Variants in SNCAIP observed in about 807,000 individuals in gnomAD.
The protein encoded by SNCAIP is synuclein alpha interacting protein.
In SNCAIP, 43 loss-of-function variants were observed where a neutral mutation model predicts 86.7. That is an observed-to-expected ratio of 0.50 (90% CI 0.39 to 0.64). The LOEUF (loss-of-function observed/expected upper bound fraction) is 0.64. Among genes scored for constraint, SNCAIP ranks in the 30% least tolerant of loss-of-function variants. SNCAIP has a pLI of 0.00. For synonymous variants in SNCAIP, 417 were observed against 427.2 expected (o/e 0.98, Z 0.29); for missense variants, 981 against 1,103.1 (o/e 0.89, Z 1.57).
chr5:122,415,594 G>C (rs898097369), intron 3 of SNCAIP, among the ~76,000 whole-genome samples: 1 of 152,142 alleles, frequency 6.6e-6, no homozygotes, highest in South Asian at 2.1e-4. Flanking sequence ...AAGAGGGCAG[G>C]GATTTTTCAG....
chr5:122,343,872 G>C (rs1166829747), intron 1 of SNCAIP, among the ~76,000 whole-genome samples: 1 of 152,214 alleles, frequency 6.6e-6, no homozygotes, highest in Non-Finnish European at 1.5e-5. Context: ...GTCTTAACAA[G>C]ATGAGAAACC....
At chr5:122,321,743 A>T (rs77332012) in intron 1 of SNCAIP, 25,790 of 152,088 alleles carry the variant, frequency 0.17, 2,294 homozygotes, top group South Asian at 0.3. Flanking sequence ...CTCCTGTTTC[A>T]ATCTCCCATC....
At chr5:122,454,427 AC>A (rs1469777815) in intron 10 of SNCAIP, 1 of 152,704 alleles carries the variant, frequency 6.5e-6, no homozygotes, top group Non-Finnish European at 1.5e-5. Context: ...GGTCAGGCTC[AC>A]ATGTTGCCAG....
chr5:122,326,753 A>C (rs1056895496), intron 1 of SNCAIP, among the ~76,000 whole-genome samples: 9 of 151,726 alleles, frequency 5.9e-5, no homozygotes, highest in Non-Finnish European at 2.9e-5. Context: ...GACAAAAACA[A>C]ATATCTTGTT....
chr5:122,413,659 G>A (rs1466472838), intron 3 of SNCAIP, among the ~76,000 whole-genome samples: 2 of 152,000 alleles, frequency 1.3e-5, no homozygotes, highest in African/African-American at 4.8e-5. Flanking sequence ...CTGTCTAAGA[G>A]TACCATAGCA....
chr5:122,359,165 CATTTTT>C lies in SNCAIP; in HGVS notation c.-46-31918_-46-31913del, dbSNP rs562333408. ...AAGAATTCTGTCAGAAATAATATGT[CATTTTT>C]ATTTTAAGACAGATAAATCACTTAA... is the stretch of plus-strand genomic sequence containing the variant. On this transcript the variant is annotated intron_variant, in intron 1 of 10. Transcript: ENST00000261368. 6.6e-3 allele frequency among the ~76,000 whole-genome samples: 1,007 copies of C among 151,958 alleles called. 4 individuals are homozygous for C. The highest frequency in any genetic ancestry group is 7.9e-3 in the Non-Finnish European group (537 of 67,958).
At chr5:122,390,990 A>G (rs565159246) in intron 1 of SNCAIP, 99 bp from the exon 2 acceptor site, 2 of 700,792 alleles carry the variant, frequency 2.9e-6, no homozygotes, top group East Asian at 2.7e-5. Flanking sequence ...CTAGCACCCA[A>G]TAACCCTTCT....
At chr5:122,335,090 T>A (rs2152706135) in intron 1 of SNCAIP, among the ~76,000 whole-genome samples, 1 of 152,328 alleles carries the variant, frequency 6.6e-6, no homozygotes, top group African/African-American at 2.4e-5. Flanking sequence ...AAATACACAT[T>A]TTTAAGGATT....
At chr5:122,461,444 T>C (rs552405372) in intron 10 of SNCAIP, among the ~76,000 whole-genome samples, 2 of 152,274 alleles carry the variant, frequency 1.3e-5, no homozygotes, top group South Asian at 4.1e-4. Context: ...TGTTCCCTCT[T>C]TTGAAAATCC....
chr5:122,412,929 C>G (rs1774455067), intron 3 of SNCAIP, among the ~76,000 whole-genome samples: 1 of 152,204 alleles, frequency 6.6e-6, no homozygotes, highest in South Asian at 2.1e-4. Flanking sequence ...CAAAGTATTT[C>G]CCCATGCTAT....
At chr5:122,378,279 T>A (rs1765813953) in intron 1 of SNCAIP, among the ~76,000 whole-genome samples, 1 of 144,010 alleles carries the variant, frequency 6.9e-6, no homozygotes, top group African/African-American at 2.6e-5. Flanking sequence ...TTTGCATTTC[T>A]CTGATGGCCA....
intron 6 of SNCAIP, among the ~76,000 whole-genome samples, chr5:122,437,956 G>T (rs1278055004): frequency 6.6e-6 from 1 of 152,058 alleles, no homozygotes; most frequent in Non-Finnish European, 1.5e-5. Context: ...TAAAACTAAA[G>T]CACTGTGATT....
intron 1 of SNCAIP, among the ~76,000 whole-genome samples, chr5:122,347,866 A>C (rs192555819): frequency 6.6e-6 from 1 of 151,988 alleles, no homozygotes; most frequent in Non-Finnish European, 1.5e-5. Flanking sequence ...ATTCATTCTG[A>C]TTTTTCCCCT....
intron 1 of SNCAIP, among the ~76,000 whole-genome samples, chr5:122,354,323 G>A (rs762956139): frequency 8.5e-5 from 13 of 152,186 alleles, no homozygotes; most frequent in Non-Finnish European, 1.5e-4. Context: ...TGAGAATTGA[G>A]TGTAGACTAA....
At chr5:122,346,746 A>G (rs565078127) in intron 1 of SNCAIP, among the ~76,000 whole-genome samples, 1 of 151,598 alleles carries the variant, frequency 6.6e-6, no homozygotes, top group African/African-American at 2.4e-5. Flanking sequence ...TTCATTTCTG[A>G]TGATTTATTG....
At chr5:122,346,598 A>T (rs935881262) in intron 1 of SNCAIP, among the ~76,000 whole-genome samples, 1 of 152,032 alleles carries the variant, frequency 6.6e-6, no homozygotes, top group East Asian at 1.9e-4. Context: ...ATCCAGTTAG[A>T]TCCTGTCTAT....
chr5:122,326,276 C>T (rs1441156799), intron 1 of SNCAIP, among the ~76,000 whole-genome samples: 1 of 152,138 alleles, frequency 6.6e-6, no homozygotes, highest in Non-Finnish European at 1.5e-5. Context: ...GGTTTTTCTA[C>T]TCATACACAT....
intron 1 of SNCAIP, among the ~76,000 whole-genome samples, chr5:122,322,057 A>G (rs1015612047): frequency 2.0e-5 from 3 of 152,246 alleles, no homozygotes; most frequent in East Asian, 1.9e-4. Context: ...GCCAACTGAC[A>G]TATATAGAAC....
intron 5 of SNCAIP, among the ~76,000 whole-genome samples, chr5:122,429,669 C>T (rs1302206790): frequency 1.3e-5 from 2 of 152,032 alleles, no homozygotes; most frequent in South Asian, 2.1e-4. Flanking sequence ...TGGTAGGAAA[C>T]ATTTGGCATG....
Sources: gnomAD v4.1 joint callset for allele counts (sites outside exome capture counted in the v4.1 genomes callset) on GRCh38, gnomAD v4.1.1 for gene constraint, MANE v1.5 for transcripts, NCBI Gene and HGNC (gene_info 2026-07-23, HGNC 2026-07-21) for gene names.